The following RANBP2 variants were observed in gnomAD, a reference collection of about 807,000 sequenced individuals.
RANBP2 encodes E3 SUMO-protein ligase RanBP2.
In RANBP2, 57 loss-of-function variants were observed where a neutral mutation model predicts 303.6. The observed-to-expected ratio is 0.19, with a 90% confidence interval of 0.15 to 0.23. The LOEUF (loss-of-function observed/expected upper bound fraction) is 0.23, where lower values mean the gene tolerates loss of function less well. RANBP2 is among the 10% of genes least tolerant of loss of function. The pLI, the probability that RANBP2 is intolerant of heterozygous loss-of-function variation, is 1.00. For synonymous variants in RANBP2, 1,167 were observed against 1,301.5 expected, an observed-to-expected ratio of 0.90 and a Z score of 2.23; for missense variants, 3,138 against 3,780.8, an observed-to-expected ratio of 0.83 and a Z score of 4.46.
the RANBP2 span, among the ~76,000 whole-genome samples, chr2:109,573,154 G>A: frequency 1.3e-5 from 2 of 152,042 alleles, no homozygotes; most frequent in African/African-American, 2.4e-5. Flanking sequence ...GCCTCTTGAG[G>A]TAGTTCTTCT....
At chr2:108,749,199 C>G in intron 9 of RANBP2, 70 bp downstream of exon 9, 1 of 1,606,534 alleles carries the variant, frequency 6.2e-7, no homozygotes, top group Non-Finnish European at 8.5e-7. Flanking sequence ...TCTTATTACC[C>G]AGAAATAACG....
chr2:109,564,503 C>G, the RANBP2 span: 1 of 1,552,272 alleles, frequency 6.4e-7, no homozygotes, highest in Non-Finnish European at 8.8e-7. Context: ...TTTCCCGCAG[C>G]TTTACAAAGT....
chr2:109,658,234 T>C, the RANBP2 span, among the ~76,000 whole-genome samples: 2 of 150,516 alleles, frequency 1.3e-5, no homozygotes, highest in African/African-American at 4.9e-5. Flanking sequence ...GATCACAAGG[T>C]CAGGAATTCG....
chr2:108,877,329 G>A, the RANBP2 span, among the ~76,000 whole-genome samples: 4 of 151,808 alleles, frequency 2.6e-5, no homozygotes, highest in East Asian at 1.9e-4. Flanking sequence ...TTAGCCAGGC[G>A]GTGATGGGCA....
At chr2:109,248,892 G>GTCCTGTCCTT in the RANBP2 span, among the ~76,000 whole-genome samples, 1 of 1,254 alleles carries the variant, frequency 8.0e-4, no homozygotes, top group Non-Finnish European at 6.7e-3. Flanking sequence ...GTCCTTTCCT[G>GTCCTGTCCTT]TCCTGTCCTG....
the RANBP2 span, among the ~76,000 whole-genome samples, chr2:109,162,794 A>T: frequency 1.4e-3 from 216 of 152,344 alleles, 3 homozygotes; most frequent in East Asian, 0.04. Flanking sequence ...TCCCCGAGGA[A>T]TCACCTTTTA....
chr2:108,962,661 C>T, the RANBP2 span, among the ~76,000 whole-genome samples: 13 of 114,536 alleles, frequency 1.1e-4, no homozygotes, highest in East Asian at 4.9e-4. Flanking sequence ...GGCGACAGAG[C>T]GAGACTCTGT....
At chr2:109,660,216 T>C in the RANBP2 span, among the ~76,000 whole-genome samples, 2 of 152,186 alleles carry the variant, frequency 1.3e-5, no homozygotes, top group Non-Finnish European at 1.5e-5. Context: ...CAAGTCTTCA[T>C]GTATAACTTT....
the RANBP2 span, among the ~76,000 whole-genome samples, chr2:109,057,818 T>C: frequency 6.6e-6 from 1 of 152,142 alleles, no homozygotes; most frequent in African/African-American, 2.4e-5. Flanking sequence ...CAGCTTGCGG[T>C]GGTTACTCAT....
the RANBP2 span, among the ~76,000 whole-genome samples, chr2:109,014,045 A>G: frequency 6.6e-6 from 1 of 152,224 alleles, no homozygotes; most frequent in Non-Finnish European, 1.5e-5. Flanking sequence ...TGGAGGTTGA[A>G]TATCTTAAGG....
At chr2:108,846,942 A>G in the RANBP2 span, 32 of 1,412,240 alleles carry the variant, frequency 2.3e-5, no homozygotes, top group Middle Eastern at 5.4e-4. Context: ...TAAGCTTTCA[A>G]TTGTACTTAT....
chr2:108,735,948 A>C (rs1431634021), intron 5 of RANBP2, among the ~76,000 whole-genome samples, 156 bp from the exon 6 acceptor site: 1 of 152,240 alleles, frequency 6.6e-6, no homozygotes, highest in Non-Finnish European at 1.5e-5. Flanking sequence ...AACTATGATA[A>C]ATGTATATAT....
chr2:109,176,415 T>C, the RANBP2 span, among the ~76,000 whole-genome samples: 1 of 152,182 alleles, frequency 6.6e-6, no homozygotes, highest in African/African-American at 2.4e-5. Context: ...AGGAGCCCAA[T>C]AGTTGCTCAC....
the RANBP2 span, among the ~76,000 whole-genome samples, chr2:109,227,577 C>G: frequency 6.6e-6 from 1 of 152,206 alleles, no homozygotes; most frequent in East Asian, 1.9e-4. Context: ...TCTGGGAGAT[C>G]CCTGGCTCTT....
the RANBP2 span, among the ~76,000 whole-genome samples, chr2:109,168,189 A>T: frequency 6.6e-6 from 1 of 152,218 alleles, no homozygotes; most frequent in African/African-American, 2.4e-5. Context: ...GTGATTTGCA[A>T]ACATTGCATC....
chr2:109,572,185 C>T, the RANBP2 span, among the ~76,000 whole-genome samples: 9 of 152,060 alleles, frequency 5.9e-5, no homozygotes, highest in Non-Finnish European at 2.9e-5. Flanking sequence ...GGCTGGAGTG[C>T]AGTGGTGTGA....
the RANBP2 span, among the ~76,000 whole-genome samples, chr2:108,811,237 T>C: frequency 6.6e-5 from 4 of 60,360 alleles, no homozygotes; most frequent in African/African-American, 1.0e-4. Flanking sequence ...TTTTCTTTCT[T>C]TCTCTCTCTC....
At chr2:109,585,141 AT>A in the RANBP2 span, 1 of 1,577,716 alleles carries the variant, frequency 6.3e-7, no homozygotes, top group East Asian at 2.3e-5. Flanking sequence ...TTCTTTATTT[AT>A]TTGGTCACCA....
At chr2:109,001,812 G>GCTCCGC in the RANBP2 span, among the ~76,000 whole-genome samples, 1 of 152,032 alleles carries the variant, frequency 6.6e-6, no homozygotes, top group Non-Finnish European at 1.5e-5. Flanking sequence ...CTCACTGCAA[G>GCTCCGC]CTCCGCCTCC....
Sources: gnomAD v4.1 joint callset for allele counts (sites outside exome capture counted in the v4.1 genomes callset) on GRCh38, gnomAD v4.1.1 for gene constraint, MANE v1.5 for transcripts, NCBI Gene and HGNC (gene_info 2026-07-23, HGNC 2026-07-21) for gene names.